The following MSRA variants were observed in gnomAD, a reference collection of about 807,000 sequenced individuals.
MSRA encodes methionine sulfoxide reductase A.
MSRA carries 54 observed loss-of-function variants against 31.3 expected under a neutral mutation model. The ratio of observed to expected loss-of-function variants is 1.73; its 90% CI spans 1.39 to 2.17. MSRA has a LOEUF of 2.17. Ranked by LOEUF, MSRA falls within the 30% of genes most tolerant of loss-of-function variation. The probability of loss-of-function intolerance (pLI) is 0.00; values close to 1 mark genes in which losing one functional copy is unlikely to be tolerated. For missense variants in MSRA, 507 were observed against 300.9 expected, an observed-to-expected ratio of 1.69 and a Z score of -5.07; for synonymous variants, 169 against 116.5, an observed-to-expected ratio of 1.45 and a Z score of -2.90.
chr8:10,226,382 T>C (rs942158975), intron 2 of MSRA, among the ~76,000 whole-genome samples: 2 of 152,248 alleles, frequency 1.3e-5, no homozygotes, highest in Non-Finnish European at 1.5e-5. Context: ...CCCTTGTGGC[T>C]GCAGATTGCT....
intron 5 of MSRA, among the ~76,000 whole-genome samples, chr8:10,417,559 C>G (rs1808541342): frequency 6.6e-6 from 1 of 152,170 alleles, no homozygotes; most frequent in Non-Finnish European, 1.5e-5. Flanking sequence ...CTGCACCACT[C>G]AGCCAGAGAT....
chr8:10,152,209 CTG>C (rs1313934536), intron 1 of MSRA, among the ~76,000 whole-genome samples: 12 of 152,102 alleles, frequency 7.9e-5, no homozygotes, highest in Non-Finnish European at 1.6e-4. Flanking sequence ...ACAAAACTGT[CTG>C]TGTGCAAATA....
intron 1 of MSRA, among the ~76,000 whole-genome samples, chr8:10,074,736 G>A (rs937810624): frequency 1.3e-5 from 2 of 152,042 alleles, no homozygotes; most frequent in African/African-American, 4.8e-5. Context: ...CCTCCTCACA[G>A]CAACCTCTGC....
intron 1 of MSRA, among the ~76,000 whole-genome samples, chr8:10,153,391 T>C (rs1184090932): frequency 1.3e-5 from 2 of 152,192 alleles, no homozygotes; most frequent in African/African-American, 2.4e-5. Flanking sequence ...ACGTGCCTGC[T>C]GTATACTTTC....
At chr8:10,416,630 G>C (rs1365778624) in intron 5 of MSRA, among the ~76,000 whole-genome samples, 1 of 152,222 alleles carries the variant, frequency 6.6e-6, no homozygotes, top group Non-Finnish European at 1.5e-5. Flanking sequence ...GGTCCCGTGG[G>C]TGACCTGACT....
intron 1 of MSRA, among the ~76,000 whole-genome samples, chr8:10,083,932 G>T (rs886065519): frequency 3.4e-4 from 52 of 152,262 alleles, no homozygotes; most frequent in African/African-American, 1.2e-3. Flanking sequence ...TCAAAGAGGG[G>T]ATTTAGGCCA....
At chr8:10,184,451 G>T (rs1021770446) in intron 1 of MSRA, among the ~76,000 whole-genome samples, 1 of 152,038 alleles carries the variant, frequency 6.6e-6, no homozygotes, top group African/African-American at 2.4e-5. Context: ...GGTTTGGCTG[G>T]TGTTATTCTC....
chr8:10,417,774 G>GTGTGTGTGTGTGTGTGTGTGTGTGTGTC (rs1554557636), intron 5 of MSRA, among the ~76,000 whole-genome samples: 3 of 151,264 alleles, frequency 2.0e-5, no homozygotes, highest in Non-Finnish European at 4.4e-5. Context: ...GTGTGTGTGT[G>GTGTGTGTGTGTGTGTGTGTGTGTGTGTC]TGTGTCTGTG....
chr8:10,405,499 C>A (rs1040382354), intron 5 of MSRA, among the ~76,000 whole-genome samples: 1 of 152,208 alleles, frequency 6.6e-6, no homozygotes, highest in Admixed American at 6.5e-5. Context: ...GAGTTACATG[C>A]CCGGCATTTT....
At chr8:10,353,493 AG>A in intron 5 of MSRA, 2 of 310,758 alleles carry the variant, frequency 6.4e-6, no homozygotes, top group Non-Finnish European at 1.2e-5. Flanking sequence ...GGAGGCCCGG[AG>A]GCCCGTGTAT....
chr8:10,204,146 GT>G (rs1241766712), intron 1 of MSRA, among the ~76,000 whole-genome samples: 1 of 151,622 alleles, frequency 6.6e-6, no homozygotes, highest in East Asian at 1.9e-4. Context: ...CAATGTGCTT[GT>G]GTTAAGTTAT....
chr8:10,092,008 C>T (rs1184453125), intron 1 of MSRA, among the ~76,000 whole-genome samples: 1 of 150,850 alleles, frequency 6.6e-6, no homozygotes, highest in African/African-American at 2.4e-5. Context: ...CCCTTTTCTC[C>T]ACGTTCTTGT....
chr8:10,113,988 G>A (rs1477231851), intron 1 of MSRA, among the ~76,000 whole-genome samples: 4 of 151,976 alleles, frequency 2.6e-5, no homozygotes, highest in African/African-American at 9.7e-5. Flanking sequence ...CCTGTCCTTG[G>A]CAATTACTAG....
chr8:10,423,151 A>G (rs1808915704), intron 5 of MSRA, among the ~76,000 whole-genome samples: 1 of 152,068 alleles, frequency 6.6e-6, no homozygotes, highest in Non-Finnish European at 1.5e-5. Context: ...ACGACGGGAG[A>G]GGGGAGAGGC....
chr8:10,372,700 G>T (rs1292520593), intron 5 of MSRA, among the ~76,000 whole-genome samples: 2 of 152,198 alleles, frequency 1.3e-5, no homozygotes, highest in Non-Finnish European at 2.9e-5. Flanking sequence ...GACTGGAGGT[G>T]CCCCCAGGAA....
chr8:10,399,278 C>T (rs1242709878), intron 5 of MSRA, among the ~76,000 whole-genome samples: 1 of 152,204 alleles, frequency 6.6e-6, no homozygotes, highest in Non-Finnish European at 1.5e-5. Flanking sequence ...GCATGGTCTA[C>T]TGTAGTAAGT....
chr8:10,122,843 A>G (rs1469792503), intron 1 of MSRA, among the ~76,000 whole-genome samples: 1 of 152,040 alleles, frequency 6.6e-6, no homozygotes, highest in Non-Finnish European at 1.5e-5. Context: ...AGCTCCATCC[A>G]TGTTGCTGCG....
intron 5 of MSRA, among the ~76,000 whole-genome samples, chr8:10,373,957 G>C (rs1020919835): frequency 6.6e-6 from 1 of 152,280 alleles, no homozygotes; most frequent in East Asian, 1.9e-4. Flanking sequence ...AAAAGACTGT[G>C]GGCTGGACCC....
intron 1 of MSRA, among the ~76,000 whole-genome samples, chr8:10,177,621 A>T (rs911656648): frequency 6.6e-6 from 1 of 152,212 alleles, no homozygotes; most frequent in Non-Finnish European, 1.5e-5. Context: ...TATTTGCTAC[A>T]TGTTTTGGTG....
Sources: gnomAD v4.1 joint callset for allele counts (sites outside exome capture counted in the v4.1 genomes callset) on GRCh38, gnomAD v4.1.1 for gene constraint, MANE v1.5 for transcripts, NCBI Gene and HGNC (gene_info 2026-07-23, HGNC 2026-07-21) for gene names.